The following KCNMA1 variants were observed in gnomAD, a reference collection of about 807,000 sequenced individuals.
KCNMA1 encodes the protein potassium calcium-activated channel subfamily M alpha 1.
Under a neutral mutation model 140.0 loss-of-function variants are expected in KCNMA1, and 29 were observed. That is an observed-to-expected ratio of 0.21 (90% confidence interval 0.15 to 0.28). KCNMA1 has a LOEUF of 0.28. KCNMA1 is among the 10% of genes least tolerant of loss of function. The pLI is 1.00. For synonymous variants in KCNMA1, 612 were observed against 611.9 expected (o/e 1.00, Z 0.00); for missense variants, 880 against 1,602.2 (o/e 0.55, Z 7.70).
chr10:77,128,580 T>G (rs1182320107), intron 5 of KCNMA1, among the ~76,000 whole-genome samples: 1 of 152,100 alleles, frequency 6.6e-6, no homozygotes, highest in African/African-American at 2.4e-5. Flanking sequence ...AGAGGGAGTA[T>G]TAAGGCTCCA....
At chr10:77,206,945 T>C (rs1243639738) in intron 3 of KCNMA1, among the ~76,000 whole-genome samples, 1 of 152,114 alleles carries the variant, frequency 6.6e-6, no homozygotes, top group Non-Finnish European at 1.5e-5. Context: ...TTCCTATGTC[T>C]ATATGATTTT....
chr10:77,073,594 C>T (rs1487396299), intron 13 of KCNMA1, among the ~76,000 whole-genome samples: 2 of 152,104 alleles, frequency 1.3e-5, no homozygotes, highest in Admixed American at 6.5e-5. Flanking sequence ...TCTAATAGAC[C>T]GTAGGAGTGC....
At chr10:77,148,509 T>C (rs1233401896) in intron 5 of KCNMA1, among the ~76,000 whole-genome samples, 1 of 145,542 alleles carries the variant, frequency 6.9e-6, no homozygotes, top group Non-Finnish European at 1.5e-5. Context: ...AACATTAATT[T>C]AAGGAAAATG....
At chr10:77,580,801 T>C (rs746494574) in intron 1 of KCNMA1, among the ~76,000 whole-genome samples, 1 of 152,238 alleles carries the variant, frequency 6.6e-6, no homozygotes, top group Non-Finnish European at 1.5e-5. Context: ...CTTTTGCCAA[T>C]GACCCAAAAA....
At chr10:77,362,636 G>A (rs2094068320) in intron 2 of KCNMA1, among the ~76,000 whole-genome samples, 2 of 152,076 alleles carry the variant, frequency 1.3e-5, no homozygotes, top group African/African-American at 2.4e-5. Context: ...CTGACGTCCT[G>A]CCTCAGACCC....
intron 1 of KCNMA1, among the ~76,000 whole-genome samples, chr10:77,503,041 C>G (rs539938376): frequency 6.6e-6 from 1 of 152,244 alleles, no homozygotes; most frequent in Admixed American, 6.5e-5. Flanking sequence ...CGCTTGAGCC[C>G]AGGAGTTTGA....
chr10:77,242,226 T>C (rs2154234613), intron 3 of KCNMA1, among the ~76,000 whole-genome samples: 1 of 152,372 alleles, frequency 6.6e-6, no homozygotes, highest in East Asian at 1.9e-4. Context: ...TAATCATCTA[T>C]CATTGGACAA....
chr10:76,885,210 T>C lies in KCNMA1; in HGVS notation c.*2056A>G, dbSNP rs1473799152. ...TAGGGGATACATATATATAGTTATA[T>C]ATATAGTTATATATATATAATTATA... On this transcript the variant is annotated 3_prime_UTR_variant, in exon 28 of 28. Transcript: ENST00000286628. 3 of 551,270 alleles carry C rather than the reference T, an allele frequency of 5.4e-6. No homozygotes were observed. The highest frequency in any genetic ancestry group is 6.1e-5 in the Admixed American group (1 of 16,292). 34.1% of individuals were successfully genotyped at this position (551,270 alleles called of 1,614,324 possible).
Position 77,566,556 on chromosome 10 carries a change from AG to A in KCNMA1, c.378+70708del, listed in dbSNP as rs200483995. On this transcript the variant is annotated intron_variant, in intron 1 of 27. Coordinates refer to ENST00000286628, the MANE Select transcript of KCNMA1 (RefSeq NM_001161352.2). The stretch of plus-strand genomic sequence containing the variant: ...GCTGAGCCCCCATCACTGGAGAGGG[AG>A]GAACCTGCCATTTCCCCCGCAAAGG... 1.9e-3 allele frequency among the ~76,000 whole-genome samples: 287 copies of A among 152,274 alleles called. 3 individuals are homozygous for A. Among genetic ancestry groups the A allele is most frequent in the African/African-American group, 6.5e-3 (269 of 41,558 alleles).
intron 2 of KCNMA1, among the ~76,000 whole-genome samples, chr10:77,377,030 T>C (rs1483860063): frequency 6.6e-6 from 1 of 152,064 alleles, no homozygotes. Flanking sequence ...TGGGAACACT[T>C]AGATTACAGT....
intron 7 of KCNMA1, 141 bp from the exon 8 acceptor site, chr10:77,110,484 T>C: frequency 1.3e-6 from 1 of 762,768 alleles, no homozygotes. Context: ...GTTCCCGGGC[T>C]GAGTTCTGTG....
chr10:77,522,533 CT>C (rs1371459446), intron 1 of KCNMA1, among the ~76,000 whole-genome samples: 2 of 152,200 alleles, frequency 1.3e-5, no homozygotes, highest in Admixed American at 6.5e-5. Flanking sequence ...AGCTGGATCC[CT>C]GCTCCTAGCA....
At chr10:77,390,078 G>A (rs1288321033) in intron 2 of KCNMA1, among the ~76,000 whole-genome samples, 1 of 152,198 alleles carries the variant, frequency 6.6e-6, no homozygotes, top group Non-Finnish European at 1.5e-5. Flanking sequence ...TGTGGCCTTT[G>A]CTGATGAAGG....
chr10:77,357,589 A>G (rs946791345), intron 2 of KCNMA1, among the ~76,000 whole-genome samples: 2 of 152,262 alleles, frequency 1.3e-5, no homozygotes, highest in African/African-American at 2.4e-5. Flanking sequence ...TTCACTGTGT[A>G]TCTAGCAAAG....
chr10:77,073,366 T>C (rs1284750347), intron 13 of KCNMA1, 114 bp from the exon 14 acceptor site: 1 of 1,032,144 alleles, frequency 9.7e-7, no homozygotes, highest in East Asian at 2.5e-5. Flanking sequence ...AGTCTTGCCC[T>C]TCTTTTCCCT....
intron 2 of KCNMA1, among the ~76,000 whole-genome samples, chr10:77,297,491 T>C (rs1384411490): frequency 6.6e-6 from 1 of 152,206 alleles, no homozygotes; most frequent in Non-Finnish European, 1.5e-5. Flanking sequence ...AGCTCCATGG[T>C]TGTCATGCAT....
intron 2 of KCNMA1, among the ~76,000 whole-genome samples, chr10:77,308,932 G>T (rs10824519): frequency 0.25 from 37,323 of 152,080 alleles, 5,884 homozygotes; most frequent in Non-Finnish European, 0.36. Context: ...TAAAATGGCC[G>T]CCAAGTCAGG....
chr10:77,334,876 T>G (rs184132897), intron 2 of KCNMA1, among the ~76,000 whole-genome samples: 1 of 152,246 alleles, frequency 6.6e-6, no homozygotes, highest in African/African-American at 2.4e-5. Context: ...AATTTCAACA[T>G]GTATCCAATA....
intron 23 of KCNMA1, among the ~76,000 whole-genome samples, chr10:76,921,298 G>T (rs2055667630): frequency 6.6e-6 from 1 of 152,056 alleles, no homozygotes; most frequent in Non-Finnish European, 1.5e-5. Flanking sequence ...CTTTAAAAAT[G>T]ATCTATAAAG....
Sources: gnomAD v4.1 joint callset for allele counts (sites outside exome capture counted in the v4.1 genomes callset) on GRCh38, gnomAD v4.1.1 for gene constraint, MANE v1.5 for transcripts, NCBI Gene and HGNC (gene_info 2026-07-23, HGNC 2026-07-21) for gene names.